The following CPSF7 variants were observed in gnomAD, a reference collection of about 807,000 sequenced individuals.
The protein encoded by CPSF7 is cleavage and polyadenylation specific factor 7.
Under a neutral mutation model 44.3 loss-of-function variants are expected in CPSF7, and 1 was observed. The ratio of observed to expected loss-of-function variants is 0.02; its 90% CI spans 0.01 to 0.11. The LOEUF is 0.11. Ranked by LOEUF, CPSF7 falls within the 10% of genes least tolerant of loss-of-function variation. The pLI is 1.00. For synonymous variants in CPSF7, 202 were observed against 222.0 expected (o/e 0.91, Z 0.80); for missense variants, 443 against 607.2 (o/e 0.73, Z 2.84).
At chr11:61,421,692 T>G in intron 2 of CPSF7, 84 bp from the exon 3 acceptor site, 1 of 972,908 alleles carries the variant, frequency 1.0e-6, no homozygotes, top group Non-Finnish European at 1.6e-6. Flanking sequence ...AGAATCCAGT[T>G]AAATACTTGG....
At chr11:61,407,064 C>T (rs1166105654) in intron 9 of CPSF7, among the ~76,000 whole-genome samples, 1 of 152,190 alleles carries the variant, frequency 6.6e-6, no homozygotes, top group African/African-American at 2.4e-5. Context: ...AGCCACTGTG[C>T]CTGGCCCCAT....
chr11:61,424,881 T>C (rs998850712), intron 2 of CPSF7, among the ~76,000 whole-genome samples: 1 of 152,224 alleles, frequency 6.6e-6, no homozygotes, highest in African/African-American at 2.4e-5. Context: ...CAGGTATATG[T>C]GTCTAAAATT....
chr11:61,420,126 T>G, intron 4 of CPSF7, 32 bp from the exon 5 acceptor site: 1 of 1,538,678 alleles, frequency 6.5e-7, no homozygotes, highest in Non-Finnish European at 8.9e-7. Flanking sequence ...ATGAATGAAA[T>G]CTGTAGACAG....
At chr11:61,422,278 T>C (rs1860952727) in intron 2 of CPSF7, among the ~76,000 whole-genome samples, 1 of 151,350 alleles carries the variant, frequency 6.6e-6, no homozygotes, top group East Asian at 1.9e-4. Flanking sequence ...TTAAATGACA[T>C]ACAGGCCCAA....
intron 9 of CPSF7, chr11:61,405,885 T>C (rs1404642717): frequency 2.0e-5 from 3 of 152,152 alleles, no homozygotes; most frequent in Admixed American, 2.0e-4. Context: ...ATTTGTCCCA[T>C]TTTCTCTAAG....
chr11:61,403,066 G>A lies in CPSF7; in HGVS notation c.*1644C>T, dbSNP rs937694046. On this transcript the variant is annotated 3_prime_UTR_variant, in exon 10 of 10. Transcript: ENST00000439958. ...GGGTGGGGTGCCATGTTCTGAAGTGGAGGTGGGGATGGGGTTGGGGGACAG... is the reference window on the plus strand; with the variant it reads ...GGGTGGGGTGCCATGTTCTGAAGTGAAGGTGGGGATGGGGTTGGGGGACAG... 4.6e-5 allele frequency: 7 copies of A among 152,140 alleles called. No homozygotes were observed. Among genetic ancestry groups the A allele is most frequent in the Admixed American group, 6.6e-5 (1 of 15,252 alleles). 9.4% of individuals were successfully genotyped at this position (152,140 alleles called of 1,614,324 possible).
intron 5 of CPSF7, among the ~76,000 whole-genome samples, chr11:61,419,215 G>A (rs1217482746): frequency 1.3e-5 from 2 of 152,014 alleles, no homozygotes; most frequent in African/African-American, 2.4e-5. Flanking sequence ...GTAGAGATGG[G>A]GTTTCACCAT....
In CPSF7 at chr11:61,429,720, C is replaced by A. The variant is rs191521078; in HGVS notation, c.-56+194G>T. The A allele has an allele frequency of 1.4e-5, 22 of 1,536,868 alleles. No homozygotes were observed. The East Asian group carries it at 5.4e-4, about 38-fold the overall frequency. On this transcript the variant is annotated intron_variant, in intron 1 of 9. Transcript: ENST00000439958. ...GCCCCCAACCCAGGCCTACTCTTCG[C>A]CCCCAGCTAGGCCCGCCCCGCTCCC...
At chr11:61,410,678 T>G (rs889162851) in intron 9 of CPSF7, 1 of 302,240 alleles carries the variant, frequency 3.3e-6, no homozygotes, top group Non-Finnish European at 6.1e-6. Context: ...GGGATTCAAA[T>G]TGGTACCTGA....
intron 5 of CPSF7, 21 bp from the exon 6 acceptor site, chr11:61,416,540 G>A (rs377677109): frequency 5.3e-5 from 85 of 1,612,678 alleles, no homozygotes; most frequent in Non-Finnish European, 7.0e-5. Flanking sequence ...AAACAGAACT[G>A]ATGTTACTGC....
intron 7 of CPSF7, 31 bp downstream of exon 7, chr11:61,415,635 G>C: frequency 7.2e-7 from 1 of 1,383,766 alleles, no homozygotes; most frequent in East Asian, 2.3e-5. Context: ...AAAGGTTAAG[G>C]AGAAGGCAGC....
intron 9 of CPSF7, among the ~76,000 whole-genome samples, chr11:61,410,404 G>A (rs1224250757): frequency 6.6e-6 from 1 of 152,098 alleles, no homozygotes; most frequent in East Asian, 1.9e-4. Flanking sequence ...AATCATTAAT[G>A]TTGCAGCTTG....
intron 8 of CPSF7, among the ~76,000 whole-genome samples, chr11:61,411,321 G>A (rs1859829238): frequency 6.6e-6 from 1 of 152,184 alleles, no homozygotes; most frequent in Non-Finnish European, 1.5e-5. Context: ...ATCAGGTGTA[G>A]TGCTAATAAT....
chr11:61,411,656 C>T (rs1042398714), intron 8 of CPSF7, 113 bp downstream of exon 8: 6 of 918,676 alleles, frequency 6.5e-6, no homozygotes, highest in Non-Finnish European at 8.2e-6. Flanking sequence ...GGCTAACGTC[C>T]AGACTTTCGG....
chr11:61,413,598 T>C (rs1274309383), intron 7 of CPSF7, among the ~76,000 whole-genome samples: 1 of 148,096 alleles, frequency 6.8e-6, no homozygotes, highest in Non-Finnish European at 1.5e-5. Context: ...ACCACTGCAC[T>C]ACTCCAGCTT....
At chr11:61,418,297 C>T (rs1860528046) in intron 5 of CPSF7, among the ~76,000 whole-genome samples, 1 of 152,120 alleles carries the variant, frequency 6.6e-6, no homozygotes, top group East Asian at 1.9e-4. Flanking sequence ...TTTGCTGTTC[C>T]TCCCACTGTA....
chr11:61,416,329 A>AGGTGGTGGGGGTGGAATT lies in CPSF7; in HGVS notation c.696_713dup (p.Ile233_Pro238dup). 6.6e-7 allele frequency: 1 copy of AGGTGGTGGGGGTGGAATT among 1,505,064 alleles called. No individual in the cohort carries two copies. Among genetic ancestry groups the AGGTGGTGGGGGTGGAATT allele is most frequent in the Non-Finnish European group, 8.9e-7 (1 of 1,125,140 alleles). 93.2% of individuals were successfully genotyped at this position (1,505,064 alleles called of 1,614,324 possible). On this transcript the variant is annotated inframe_insertion, in exon 6 of 10. Transcript: ENST00000439958. ...GAGGGACCCCAAAGCTTGAGGAGAG[A>AGGTGGTGGGGGTGGAATT]GGTGGTGGGGGTGGAATTGGTGGTG...
Position 61,420,499 on chromosome 11 carries a change from T to A in CPSF7, c.348A>T (p.Ala116=). ...TGGACTGGCCATTTGCTCGATTCTC[T>A]GCAAATTTCAACTCCACCACATCAT... The part of the protein sequence containing the change: ...GVYDVVELKF[A]ENRANGQSKG... Residue 116 remains alanine, a synonymous_variant, in exon 4 of 10, where the codon GCA becomes GCT. Coordinates refer to ENST00000439958, the MANE Select transcript of CPSF7 (RefSeq NM_001142565.3). 6.2e-7 allele frequency: 1 copy of A among 1,614,072 alleles called. No individual in the cohort carries two copies. The highest frequency in any genetic ancestry group is 1.7e-5 in the Admixed American group (1 of 60,028).
chr11:61,418,781 C>T (rs1422829143), intron 5 of CPSF7, among the ~76,000 whole-genome samples: 2 of 151,314 alleles, frequency 1.3e-5, no homozygotes, highest in Non-Finnish European at 2.9e-5. Flanking sequence ...GGCAGTGGTG[C>T]AATCTCAGGT....
Sources: gnomAD v4.1 joint callset for allele counts (sites outside exome capture counted in the v4.1 genomes callset) on GRCh38, gnomAD v4.1.1 for gene constraint, MANE v1.5 for transcripts, NCBI Gene and HGNC (gene_info 2026-07-23, HGNC 2026-07-21) for gene names.